MS4A10: variants seen among roughly 807,000 people sequenced by gnomAD.
The protein encoded by MS4A10 is membrane-spanning 4-domains subfamily A member 10.
Under a neutral mutation model 27.7 loss-of-function variants are expected in MS4A10, and 27 were observed. The observed-to-expected ratio is 0.98, with a 90% CI of 0.72 to 1.35. MS4A10 has a LOEUF of 1.35. MS4A10 is among the 40% of genes most tolerant of loss of function. The pLI is 0.00. For missense variants in MS4A10, 338 were observed against 324.7 expected (o/e 1.04, Z -0.32); for synonymous variants, 139 against 131.2 (o/e 1.06, Z -0.41).
At chr11:60,796,409 A>G (rs563631109) in intron 6 of MS4A10, among the ~76,000 whole-genome samples, 1 of 152,210 alleles carries the variant, frequency 6.6e-6, no homozygotes, top group South Asian at 2.1e-4. Flanking sequence ...CAGCCTCCCA[A>G]GTAGCTGGGA....
intron 4 of MS4A10, 59 bp from the exon 5 acceptor site, chr11:60,793,913 G>C: frequency 5.6e-6 from 9 of 1,593,104 alleles, no homozygotes; most frequent in Non-Finnish European, 7.7e-6. Context: ...CATGAGGGGA[G>C]GACCTAGCCC....
chr11:60,786,191 A>ACACACG (rs1554971123), intron 1 of MS4A10, among the ~76,000 whole-genome samples: 4 of 140,728 alleles, frequency 2.8e-5, no homozygotes, highest in Non-Finnish European at 4.5e-5. Flanking sequence ...ACACACACGC[A>ACACACG]CACACACACA....
chr11:60,795,637 C>A lies in MS4A10; in HGVS notation c.575C>A (p.Ala192Asp). 6.3e-7 allele frequency: 1 copy of A among 1,591,986 alleles called. No homozygotes were observed. The highest frequency in any genetic ancestry group is 8.6e-7 in the Non-Finnish European group (1 of 1,169,120). Residue 192 changes from alanine to aspartate, a missense_variant, in exon 6 of 8, where the codon GCC becomes GAC. Transcript: ENST00000308287. ...CTGCCAGTGCCCACAGCTGTCACAGCCTGGAGAGGGGACTGCCCATCTGCA... is the reference window on the plus strand; with the variant it reads ...CTGCCAGTGCCCACAGCTGTCACAGACTGGAGAGGGGACTGCCCATCTGCA... ...LFLPVPTAVT[A>D]WRGDCPSAKN...
At chr11:60,793,111 C>T (rs143190600) in intron 4 of MS4A10, among the ~76,000 whole-genome samples, 1,811 of 152,256 alleles carry the variant, frequency 0.012, 20 homozygotes, top group South Asian at 0.038. Flanking sequence ...CTTCTGCCCC[C>T]GAAGCCCAAG....
intron 1 of MS4A10, among the ~76,000 whole-genome samples, chr11:60,788,752 C>A (rs1854379267): frequency 6.6e-6 from 1 of 152,240 alleles, no homozygotes; most frequent in African/African-American, 2.4e-5. Context: ...GTCGTCACTG[C>A]AGGACCATGG....
chr11:60,800,067 C>CT lies in MS4A10; in HGVS notation c.*159dup. 3 of 1,061,696 alleles carry CT rather than the reference C, an allele frequency of 2.8e-6. No homozygotes were observed. Among genetic ancestry groups the CT allele is most frequent in the Non-Finnish European group, 4.1e-6 (3 of 734,758 alleles). 65.8% of individuals were successfully genotyped at this position (1,061,696 alleles called of 1,614,324 possible). On this transcript the variant is annotated 3_prime_UTR_variant, in exon 8 of 8. Transcript: ENST00000308287. ...CCTCACAGCTCCTGGGAACGCTGTC[C>CT]TCTCAGATAAGCCATTTCTTACATA...
rs1315491531 is a variant in MS4A10 at position 60,798,529 on chromosome 11, C to A, written c.722+15C>A. Reference sequence around the variant, plus strand: ...CAACATCAGAGGTGAAGAGGTTTGGCCCTGGCTCCCCAGACCTTCAGAACC... The same window carrying A: ...CAACATCAGAGGTGAAGAGGTTTGGACCTGGCTCCCCAGACCTTCAGAACC... On this transcript the variant is annotated intron_variant, in intron 7 of 7. Coordinates refer to ENST00000308287, the MANE Select transcript of MS4A10 (RefSeq NM_206893.4). The A allele has an allele frequency of 1.3e-6, 2 of 1,598,936 alleles. No homozygotes were observed. Among genetic ancestry groups the A allele is most frequent in the Middle Eastern group, 1.7e-4 (1 of 5,878 alleles).
chr11:60,797,636 G>A (rs764777621), intron 6 of MS4A10, among the ~76,000 whole-genome samples: 9 of 152,106 alleles, frequency 5.9e-5, no homozygotes, highest in Admixed American at 1.3e-4. Flanking sequence ...TAATCCAGGA[G>A]AATCTCCCAA....
At chr11:60,792,090 T>C (rs1226946160) in intron 3 of MS4A10, among the ~76,000 whole-genome samples, 175 bp from the exon 4 acceptor site, 1 of 151,994 alleles carries the variant, frequency 6.6e-6, no homozygotes, top group Admixed American at 6.6e-5. Flanking sequence ...GTGGGGCAGC[T>C]TCTTGGATGG....
Position 60,790,958 on chromosome 11 carries a change from T to G in MS4A10, c.184-16T>G, listed in dbSNP as rs758334248. 1 of 1,613,716 alleles carries G rather than the reference T, an allele frequency of 6.2e-7. No individual in the cohort carries two copies. The highest frequency in any genetic ancestry group is 1.7e-5 in the Admixed American group (1 of 59,982). ...ACCGATGCCCTCACCCCAGCCATTC[T>G]CTCTTCCCCACCCAGGCCTTCCACA... is the stretch of plus-strand genomic sequence containing the variant. On this transcript the variant is annotated splice_polypyrimidine_tract_variant and intron_variant, in intron 2 of 7. Coordinates refer to ENST00000308287, the MANE Select transcript of MS4A10 (RefSeq NM_206893.4).
chr11:60,798,350 C>T (rs1253974977), intron 6 of MS4A10, 46 bp from the exon 7 acceptor site: 16 of 1,416,012 alleles, frequency 1.1e-5, no homozygotes, highest in East Asian at 2.3e-5. Context: ...AGCAGCCAGT[C>T]GCTCCACAGC....
chr11:60,789,130 G>A (rs1390175200), intron 1 of MS4A10, among the ~76,000 whole-genome samples: 1 of 152,202 alleles, frequency 6.6e-6, no homozygotes, highest in Non-Finnish European at 1.5e-5. Flanking sequence ...CTGCATCCCT[G>A]TGGAAAATGT....
intron 1 of MS4A10, among the ~76,000 whole-genome samples, chr11:60,787,807 C>T (rs1268913366): frequency 5.3e-5 from 8 of 152,088 alleles, no homozygotes. Flanking sequence ...CACCTGAGGT[C>T]GGGAGTTTGA....
intron 6 of MS4A10, 75 bp from the exon 7 acceptor site, chr11:60,798,321 A>T: frequency 8.8e-7 from 1 of 1,135,582 alleles, no homozygotes; most frequent in Non-Finnish European, 1.3e-6. Context: ...GAAGTGAACT[A>T]GCAGAGAAGT....
Position 60,792,227 on chromosome 11 carries a change from C to G in MS4A10, c.304-38C>G, listed in dbSNP as rs756885397. 4 of 1,580,134 alleles carry G rather than the reference C, an allele frequency of 2.5e-6. No homozygotes were observed. In the East Asian group the frequency reaches 8.9e-5, roughly 35 times the overall value. On this transcript the variant is annotated intron_variant, in intron 3 of 7. Transcript: ENST00000308287. ...GGGAATTTGTGGGTTTTGAGGAACC[C>G]CAGCTTCTCTCCTTTGACTTTCAAA...
At chr11:60,793,908 G>A (rs1402283128) in intron 4 of MS4A10, 64 bp from the exon 5 acceptor site, 3 of 1,584,778 alleles carry the variant, frequency 1.9e-6, no homozygotes, top group African/African-American at 2.7e-5. Context: ...GCAAGCATGA[G>A]GGGAGGACCT....
Position 60,795,615 on chromosome 11 carries a change from C to T in MS4A10, c.553C>T (p.Pro185Ser), listed in dbSNP as rs1482741851. 6.3e-7 allele frequency: 1 copy of T among 1,595,968 alleles called. No homozygotes were observed. Among genetic ancestry groups the T allele is most frequent in the Non-Finnish European group, 8.5e-7 (1 of 1,170,886 alleles). Reference protein sequence around the residue: ...LCFTVLELFLPVPTAVTAWRG... With the variant: ...LCFTVLELFLSVPTAVTAWRG... The stretch of plus-strand genomic sequence containing the variant: ...CTTCACTGTCCTAGAGCTCTTCCTG[C>T]CAGTGCCCACAGCTGTCACAGCCTG... Residue 185 changes from proline to serine, a missense_variant, in exon 6 of 8, where the codon CCA (proline) becomes TCA (serine). Physicochemically the swap from Pro to Ser is moderately conservative, Grantham distance 74. Coordinates refer to ENST00000308287, the MANE Select transcript of MS4A10 (RefSeq NM_206893.4).
In MS4A10 at chr11:60,800,061, G is replaced by T. The variant is rs74932478; in HGVS notation, c.*152G>T. 2.6e-6 allele frequency: 3 copies of T among 1,169,822 alleles called. No homozygotes were observed. In the African/African-American group the frequency reaches 4.6e-5, roughly 18 times the overall value. The allele number at this position is 1,169,822 out of a possible 1,614,324, so 72.5% of individuals were successfully genotyped here. A position where few individuals can be genotyped will look rare whatever the true frequency, so the allele number is the denominator to read the frequency against. On this transcript the variant is annotated 3_prime_UTR_variant, in exon 8 of 8. Coordinates refer to ENST00000308287, the MANE Select transcript of MS4A10 (RefSeq NM_206893.4). ...GTCAGCCCTCACAGCTCCTGGGAACGCTGTCCTCTCAGATAAGCCATTTCT... is the reference window on the plus strand; with the variant it reads ...GTCAGCCCTCACAGCTCCTGGGAACTCTGTCCTCTCAGATAAGCCATTTCT...
chr11:60,790,926 G>T (rs1447487299), intron 2 of MS4A10, 48 bp from the exon 3 acceptor site: 14 of 1,608,490 alleles, frequency 8.7e-6, no homozygotes, highest in Non-Finnish European at 1.2e-5. Context: ...CTCAATTAGA[G>T]CCAGTGACCG....
Sources: allele counts gnomAD v4.1 joint callset (sites outside exome capture counted in the v4.1 genomes callset), GRCh38; gene constraint gnomAD v4.1.1; transcripts MANE v1.5; gene names NCBI Gene and HGNC (gene_info 2026-07-23, HGNC 2026-07-21).